The following SGCG variants were observed in gnomAD, a reference collection of about 807,000 sequenced individuals.
The protein encoded by SGCG is sarcoglycan gamma.
In SGCG, 26 loss-of-function variants were observed where a neutral mutation model predicts 29.3. That is an observed-to-expected ratio of 0.89 (90% CI 0.65 to 1.23). The LOEUF is 1.23. Ranked by LOEUF, SGCG falls within the 50% of genes most tolerant of loss-of-function variation. The pLI is 0.00. For missense variants in SGCG, 353 were observed against 356.0 expected (o/e 0.99, Z 0.07); for synonymous variants, 145 against 129.7 (o/e 1.12, Z -0.80).
chr13:23,291,176 A>G (rs1426121778), intron 5 of SGCG, among the ~76,000 whole-genome samples: 1 of 152,176 alleles, frequency 6.6e-6, no homozygotes, highest in Non-Finnish European at 1.5e-5. Context: ...ACATTATTAG[A>G]CTAGGCTTTC....
chr13:23,268,418 T>G (rs1412124719), intron 4 of SGCG: 1 of 152,458 alleles, frequency 6.6e-6, no homozygotes, highest in African/African-American at 2.4e-5. Flanking sequence ...TCTGTTCTTC[T>G]GAGTGCCAAA....
At chr13:23,216,310 C>G (rs1229279038) in intron 2 of SGCG, among the ~76,000 whole-genome samples, 2 of 151,992 alleles carry the variant, frequency 1.3e-5, no homozygotes, top group Non-Finnish European at 2.9e-5. Context: ...AATCCTGAGC[C>G]ATATCACAGT....
At chr13:23,276,342 G>A (rs140383851) in intron 4 of SGCG, among the ~76,000 whole-genome samples, 10 of 151,738 alleles carry the variant, frequency 6.6e-5, no homozygotes, top group South Asian at 6.2e-4. Flanking sequence ...TTTATTCACC[G>A]CTATGCCTTT....
At chr13:23,203,497 T>A (rs1877850613) in intron 1 of SGCG, among the ~76,000 whole-genome samples, 198 bp from the exon 2 acceptor site, 1 of 152,228 alleles carries the variant, frequency 6.6e-6, no homozygotes, top group Non-Finnish European at 1.5e-5. Flanking sequence ...AGATTAAATA[T>A]CTCCCTGTGA....
At chr13:23,265,937 C>A (rs1056344843) in intron 4 of SGCG, among the ~76,000 whole-genome samples, 7 of 152,154 alleles carry the variant, frequency 4.6e-5, no homozygotes, top group Non-Finnish European at 2.9e-5. Context: ...GAAAAGAAGT[C>A]ATTATATCAA....
chr13:23,321,296 G>T (rs1183023921), intron 7 of SGCG, among the ~76,000 whole-genome samples: 1 of 152,100 alleles, frequency 6.6e-6, no homozygotes, highest in Non-Finnish European at 1.5e-5. Flanking sequence ...ATTGACAGGG[G>T]ATTTGTTCCA....
chr13:23,246,715 C>G (rs1593194851), intron 3 of SGCG: 1 of 218,246 alleles, frequency 4.6e-6, no homozygotes, highest in East Asian at 1.1e-4. Flanking sequence ...CCACACATGT[C>G]CCAGAGCAGC....
intron 3 of SGCG, among the ~76,000 whole-genome samples, chr13:23,247,340 C>A (rs1879752896): frequency 6.6e-6 from 1 of 152,110 alleles, no homozygotes. Flanking sequence ...TCCTCAAAAC[C>A]TTTTCGTAAG....
intron 3 of SGCG, among the ~76,000 whole-genome samples, chr13:23,237,592 T>C (rs1181741290): frequency 6.6e-6 from 1 of 152,112 alleles, no homozygotes; most frequent in Admixed American, 6.5e-5. Flanking sequence ...GCAGCATACC[T>C]GAGGGGAGGA....
chr13:23,175,898 C>T, the SGCG span, among the ~76,000 whole-genome samples: 3 of 152,148 alleles, frequency 2.0e-5, no homozygotes, highest in East Asian at 1.9e-4. Flanking sequence ...GAGTGAGAAT[C>T]ATCCAAGTAA....
At chr13:23,299,027 C>T (rs1438612905) in intron 6 of SGCG, among the ~76,000 whole-genome samples, 6 of 152,058 alleles carry the variant, frequency 3.9e-5, no homozygotes, top group East Asian at 1.9e-4. Flanking sequence ...GAACTGTGCT[C>T]AGTGCTGTCA....
In SGCG at chr13:23,202,981, A is replaced by G. The variant is rs182104550; in HGVS notation, c.1-714A>G. The stretch of plus-strand genomic sequence containing the variant: ...TTTTTTTCTTTTTCTTTTTTTTGAG[A>G]TGGAGTCTCACTCTGTCTTCCAGAC... On this transcript the variant is annotated intron_variant, in intron 1 of 7. Transcript: ENST00000218867. 3.3e-3 allele frequency among the ~76,000 whole-genome samples: 506 copies of G among 151,966 alleles called. 2 individuals are homozygous for G. The highest frequency in any genetic ancestry group is 0.012 in the African/African-American group (477 of 41,420).
the SGCG span, among the ~76,000 whole-genome samples, chr13:23,167,148 A>G: frequency 6.6e-6 from 1 of 152,100 alleles, no homozygotes; most frequent in Admixed American, 6.5e-5. Flanking sequence ...AGAACATACA[A>G]TATTTGTCTT....
intron 5 of SGCG, among the ~76,000 whole-genome samples, chr13:23,280,006 G>A (rs1300401650): frequency 1.3e-5 from 2 of 152,102 alleles, no homozygotes; most frequent in Non-Finnish European, 2.9e-5. Flanking sequence ...GGGATTACAG[G>A]TGTGAGCCAC....
In SGCG at chr13:23,324,490, T is replaced by C. The variant is rs754426701; in HGVS notation, c.825T>C (p.Ser275=). ...GTCCAGATGGGAAGCTGTACCTGTCTGTGGCCGGTGTGAGCACCACGTGCC... is the reference window on the plus strand; with the variant it reads ...GTCCAGATGGGAAGCTGTACCTGTCCGTGGCCGGTGTGAGCACCACGTGCC... ...CVCPDGKLYL[S]VAGVSTTCQE... The change falls in exon 8 of 8, where the codon TCT becomes TCC. Residue 275 remains serine (S), a synonymous_variant. Coordinates refer to ENST00000218867, the MANE Select transcript of SGCG (RefSeq NM_000231.3). 2 of 1,613,542 alleles carry C rather than the reference T, an allele frequency of 1.2e-6. No individual in the cohort carries two copies. Among genetic ancestry groups the C allele is most frequent in the Non-Finnish European group, 1.7e-6 (2 of 1,180,028 alleles).
chr13:23,306,599 C>T (rs1203171770), intron 6 of SGCG, among the ~76,000 whole-genome samples: 6 of 152,190 alleles, frequency 3.9e-5, no homozygotes, highest in Admixed American at 3.9e-4. Context: ...TGATCTAACA[C>T]TGTTCGCATA....
chr13:23,279,322 A>T, intron 4 of SGCG, 37 bp from the exon 5 acceptor site: 1 of 1,599,362 alleles, frequency 6.3e-7, no homozygotes, highest in Non-Finnish European at 8.6e-7. Flanking sequence ...CACTGCTTGT[A>T]GTGAACAGTT....
At chr13:23,187,790 C>T (rs1188575140) in intron 1 of SGCG, among the ~76,000 whole-genome samples, 2 of 151,296 alleles carry the variant, frequency 1.3e-5, no homozygotes, top group Non-Finnish European at 3.0e-5. Context: ...ATGTGAAATT[C>T]TGTGCATGGG....
chr13:23,199,878 G>T (rs1202770182), intron 1 of SGCG, among the ~76,000 whole-genome samples: 1 of 152,172 alleles, frequency 6.6e-6, no homozygotes, highest in African/African-American at 2.4e-5. Flanking sequence ...CAAGCTGTCA[G>T]CAGGGCAGGT....
Sources: allele counts gnomAD v4.1 joint callset (sites outside exome capture counted in the v4.1 genomes callset), GRCh38; gene constraint gnomAD v4.1.1; transcripts MANE v1.5; gene names NCBI Gene and HGNC (gene_info 2026-07-23, HGNC 2026-07-21).